Variants in BBX observed in about 807,000 individuals in gnomAD.
BBX encodes HMG box transcription factor BBX.
A neutral mutation model predicts 100.2 loss-of-function variants in BBX; 30 were observed. The observed-to-expected ratio is 0.30, with a 90% confidence interval of 0.22 to 0.41. The LOEUF (loss-of-function observed/expected upper bound fraction) is 0.41. BBX is among the 10% of genes least tolerant of loss of function. The probability of loss-of-function intolerance (pLI) is 1.00; values close to 1 mark genes in which losing one functional copy is unlikely to be tolerated. For missense variants in BBX, 1,023 were observed against 1,129.8 expected (o/e 0.91, Z 1.35); for synonymous variants, 376 against 388.1 (o/e 0.97, Z 0.37).
chr3:107,583,586 ATCTTT>A (rs1325602421), intron 2 of BBX, among the ~76,000 whole-genome samples: 1 of 151,814 alleles, frequency 6.6e-6, no homozygotes, highest in Admixed American at 6.6e-5. Flanking sequence ...TTGAACATTT[ATCTTT>A]TCTTCTCCTC....
chr3:107,558,262 G>A (rs543513358), intron 2 of BBX, among the ~76,000 whole-genome samples: 12 of 152,278 alleles, frequency 7.9e-5, no homozygotes, highest in African/African-American at 1.2e-4. Flanking sequence ...CAAGGCAGGC[G>A]GATCACCTGA....
chr3:107,535,899 T>C (rs1186907311), intron 2 of BBX, among the ~76,000 whole-genome samples: 1 of 152,272 alleles, frequency 6.6e-6, no homozygotes, highest in Non-Finnish European at 1.5e-5. Flanking sequence ...ACACCCAGCC[T>C]GTACTTTGTA....
intron 10 of BBX, among the ~76,000 whole-genome samples, chr3:107,767,128 C>T (rs2107746034): frequency 6.6e-6 from 1 of 152,312 alleles, no homozygotes; most frequent in East Asian, 1.9e-4. Flanking sequence ...TGCAGCAGAC[C>T]ACCATGGCAT....
chr3:107,769,652 T>C (rs2066733364), intron 10 of BBX, among the ~76,000 whole-genome samples: 2 of 151,846 alleles, frequency 1.3e-5, no homozygotes, highest in Non-Finnish European at 2.9e-5. Flanking sequence ...ATCGTATCTG[T>C]CGTATGAGCA....
chr3:107,733,928 T>A (rs1418033398), intron 7 of BBX, among the ~76,000 whole-genome samples: 1 of 152,248 alleles, frequency 6.6e-6, no homozygotes, highest in Non-Finnish European at 1.5e-5. Context: ...ATTCCCCTAT[T>A]TCCCAGAGAC....
At chr3:107,593,414 G>A (rs1348773198) in intron 2 of BBX, among the ~76,000 whole-genome samples, 1 of 152,218 alleles carries the variant, frequency 6.6e-6, no homozygotes, top group African/African-American at 2.4e-5. Context: ...TTGGTGATCT[G>A]AGATTATTAC....
chr3:107,640,873 G>A (rs936200582), intron 2 of BBX, among the ~76,000 whole-genome samples: 4 of 152,112 alleles, frequency 2.6e-5, no homozygotes, highest in Non-Finnish European at 5.9e-5. Context: ...TGTTGGCCAG[G>A]CTGGTCTTGA....
chr3:107,558,379 A>G (rs1430102102), intron 2 of BBX, among the ~76,000 whole-genome samples: 2 of 152,064 alleles, frequency 1.3e-5, no homozygotes, highest in South Asian at 2.1e-4. Flanking sequence ...TCTCAGCTAC[A>G]TGGGAGGTTG....
intron 17 of BBX, among the ~76,000 whole-genome samples, chr3:107,802,355 T>C (rs914409830): frequency 6.6e-6 from 1 of 152,250 alleles, no homozygotes; most frequent in Non-Finnish European, 1.5e-5. Flanking sequence ...CTCTAGATAT[T>C]TCCAAGAAGT....
chr3:107,746,606 C>G (rs1175165205), intron 8 of BBX, among the ~76,000 whole-genome samples: 1 of 151,994 alleles, frequency 6.6e-6, no homozygotes, highest in Non-Finnish European at 1.5e-5. Flanking sequence ...ATTACTCAGT[C>G]AGTCTCTCTA....
intron 2 of BBX, among the ~76,000 whole-genome samples, chr3:107,615,650 G>T (rs539005274): frequency 3.9e-4 from 59 of 152,252 alleles, no homozygotes; most frequent in Non-Finnish European, 7.5e-4. Context: ...TCAGACCATA[G>T]CAAGTGACAA....
At chr3:107,793,955 T>C (rs532099332) in intron 15 of BBX, among the ~76,000 whole-genome samples, 10 of 152,206 alleles carry the variant, frequency 6.6e-5, no homozygotes, top group African/African-American at 2.2e-4. Context: ...CAATTCAAAA[T>C]TGTTAAACCA....
chr3:107,803,341 T>G lies in BBX; in HGVS notation c.2739-2029T>G, dbSNP rs566161191. ...GAGTCTTAGCTGTAACTTGAGCCCC[T>G]ACCTGTTAAAGCAGATCTACCCACC... On this transcript the variant is annotated intron_variant, in intron 17 of 17. Coordinates refer to ENST00000325805, the MANE Select transcript of BBX (RefSeq NM_001142568.3). Among the ~76,000 whole-genome samples, 22 of 152,052 alleles carry G rather than the reference T, an allele frequency of 1.4e-4. No individual in the cohort carries two copies. The South Asian group carries it at 4.2e-3, about 29-fold the overall frequency.
At position 107,755,216 on chromosome 3, in the gene BBX, T is replaced by C. The variant is rs190469556; in HGVS notation, c.826-382T>C. Among the ~76,000 whole-genome samples the C allele has an allele frequency of 1.6e-3, 246 of 152,364 alleles. 2 individuals are homozygous for C. Among genetic ancestry groups the C allele is most frequent in the Admixed American group, 4.2e-3 (65 of 15,304 alleles). ...GCTGTCTTTCCACAGAGATCCCAGA[T>C]ATATTCTTCAAAAAAATTGTTTGGT... On this transcript the variant is annotated intron_variant, in intron 9 of 17. Transcript: ENST00000325805.
At chr3:107,778,656 C>T (rs1182868959) in intron 13 of BBX, 137 bp downstream of exon 13, 1 of 965,274 alleles carries the variant, frequency 1.0e-6, no homozygotes, top group African/African-American at 1.7e-5. Flanking sequence ...GGTTGCTTTC[C>T]AAGATTATCT....
chr3:107,534,132 T>C (rs1244457592), intron 2 of BBX, among the ~76,000 whole-genome samples: 1 of 152,208 alleles, frequency 6.6e-6, no homozygotes, highest in African/African-American at 2.4e-5. Flanking sequence ...CTGTTAATGC[T>C]AAGGAATTGT....
At chr3:107,607,764 G>A (rs565741772) in intron 2 of BBX, among the ~76,000 whole-genome samples, 3 of 152,260 alleles carry the variant, frequency 2.0e-5, no homozygotes, top group South Asian at 2.1e-4. Flanking sequence ...ACTGGGGTGA[G>A]ATAATACCTC....
Position 107,779,663 on chromosome 3 carries a change from A to T in BBX, c.2203+1144A>T, listed in dbSNP as rs539517612. Among the ~76,000 whole-genome samples, 289 of 152,308 alleles carry T rather than the reference A, an allele frequency of 1.9e-3. 1 individual carries two copies. The highest frequency in any genetic ancestry group is 6.8e-3 in the African/African-American group (284 of 41,576). ...TTAAATAGACCAATTAATCGATCAG[A>T]TATAAATATTAACAAAGAGATATAA... On this transcript the variant is annotated intron_variant, in intron 13 of 17. Transcript: ENST00000325805.
intron 2 of BBX, among the ~76,000 whole-genome samples, chr3:107,552,918 C>G (rs2049810935): frequency 6.6e-6 from 1 of 152,174 alleles, no homozygotes; most frequent in Non-Finnish European, 1.5e-5. Context: ...AGATCAAAGC[C>G]ATTTTTAGTC....
Sources: allele counts gnomAD v4.1 joint callset (sites outside exome capture counted in the v4.1 genomes callset), GRCh38; gene constraint gnomAD v4.1.1; transcripts MANE v1.5; gene names NCBI Gene and HGNC (gene_info 2026-07-23, HGNC 2026-07-21).